TMEM119: variants seen among roughly 807,000 people sequenced by gnomAD.
TMEM119 encodes osteoblast induction factor.
For missense variants in TMEM119, 410 were observed against 381.0 expected (o/e 1.08, Z -0.63); for synonymous variants, 182 against 176.4 (o/e 1.03, Z -0.25).
Position 108,592,156 on chromosome 12 carries a change from GC to G in TMEM119, c.227del (p.Gly76AlafsTer12). The G allele has an allele frequency of 1.2e-6, 2 of 1,614,004 alleles. No individual in the cohort carries two copies. The highest frequency in any genetic ancestry group is 1.7e-6 in the Non-Finnish European group (2 of 1,179,980). On this transcript the variant is annotated frameshift_variant, in exon 2 of 2. Transcript: ENST00000392806. LOFTEE classifies it low-confidence loss of function (END_TRUNC). The surrounding 1 kb of genome is among the most constrained non-coding windows in gnomAD (Gnocchi z 4.3). ...CCAGGAAGTTGGTGGGGGGTGATGG[GC>G]CCCCCAGGGTTATGGGCTGGGGCCC... ...SMGPQPITLGGPSPPTNFLDG... is the reference protein window; with the variant it reads ...SMGPQPITLGXPSPPTNFLDG...
Position 108,590,131 on chromosome 12 carries a change from T to A in TMEM119, c.*1401A>T, listed in dbSNP as rs961121647. Reference sequence around the variant, plus strand: ...CCCTCGGACTTCCCCAGGGTGGAGGTCCCCTCAAACACAGCCCCTCAGCTT... The same window carrying A: ...CCCTCGGACTTCCCCAGGGTGGAGGACCCCTCAAACACAGCCCCTCAGCTT... On this transcript the variant is annotated 3_prime_UTR_variant, in exon 2 of 2. Coordinates refer to ENST00000392806, the MANE Select transcript of TMEM119 (RefSeq NM_181724.3). 5 of 151,574 alleles carry A rather than the reference T, an allele frequency of 3.3e-5. No homozygotes were observed. The highest frequency in any genetic ancestry group is 3.3e-4 in the Admixed American group (5 of 15,216). The allele number at this position is 151,574 out of a possible 1,614,324, so 9.4% of individuals were successfully genotyped here.
Position 108,591,984 on chromosome 12 carries a change from T to C in TMEM119, c.400A>G (p.Lys134Glu), listed in dbSNP as rs747216666. 6.2e-7 allele frequency: 1 copy of C among 1,613,496 alleles called. No individual in the cohort carries two copies. The highest frequency in any genetic ancestry group is 8.5e-7 in the Non-Finnish European group (1 of 1,179,718). ...ASAYYPSSFP[K>E]KKYVDQSDRA... is the part of the protein sequence containing the mutation. ...TCACTCTGGTCCACGTACTTCTTCT[T>C]GGGGAAGGACGATGGGTAATAGGCC... The change falls in exon 2 of 2, where the codon AAG becomes GAG. Residue 134 changes from lysine to glutamate, a missense_variant. Physicochemically the swap from Lys to Glu is moderately conservative, Grantham distance 56. Coordinates refer to ENST00000392806, the MANE Select transcript of TMEM119 (RefSeq NM_181724.3). The surrounding 1 kb of genome is among the most constrained non-coding windows in gnomAD (Gnocchi z 4.2).
chr12:108,591,791 C>A lies in TMEM119; in HGVS notation c.593G>T (p.Arg198Met). 6.3e-7 allele frequency: 1 copy of A among 1,592,474 alleles called. No individual in the cohort carries two copies. The highest frequency in any genetic ancestry group is 1.1e-5 in the South Asian group (1 of 88,540). Reference protein sequence around the residue: ...RAALGGGDGARMVEGRGAEEE... With the variant: ...RAALGGGDGAMMVEGRGAEEE... ...CTCTGCGCCCCTGCCCTCCACCATC[C>A]TGGCTCCGTCCCCACCGCCCAGTGC... The change falls in exon 2 of 2, where the codon AGG (arginine) becomes ATG (methionine). Residue 198 changes from arginine to methionine, a missense_variant. Arg to Met is a moderately conservative substitution (Grantham distance 91). Coordinates refer to ENST00000392806, the MANE Select transcript of TMEM119 (RefSeq NM_181724.3). This position sits in a 1 kb window ranked among gnomAD's most constrained non-coding sequence, Gnocchi z 4.2.
Position 108,591,106 on chromosome 12 carries a change from T to C in TMEM119, c.*426A>G, listed in dbSNP as rs1337580062. On this transcript the variant is annotated 3_prime_UTR_variant, in exon 2 of 2. Coordinates refer to ENST00000392806, the MANE Select transcript of TMEM119 (RefSeq NM_181724.3). The surrounding 1 kb of genome is among the most constrained non-coding windows in gnomAD (Gnocchi z 4.2). The stretch of plus-strand genomic sequence containing the variant: ...GATTTAGTGGACTGTTTTTTGTTTT[T>C]ATAGAGATGGGTCTCACAATGTTGC... 1 of 160,708 alleles carries C rather than the reference T, an allele frequency of 6.2e-6. No individual in the cohort carries two copies. Among genetic ancestry groups the C allele is most frequent in the Non-Finnish European group, 1.3e-5 (1 of 74,146 alleles). The allele number at this position is 160,708 out of a possible 1,614,324, so 10.0% of individuals were successfully genotyped here.
rs2031418242 is a variant in TMEM119, at chr12:108,592,125, T to C, written c.259A>G (p.Ile87Val). 1 of 1,613,884 alleles carries C rather than the reference T, an allele frequency of 6.2e-7. No individual in the cohort carries two copies. Among genetic ancestry groups the C allele is most frequent in the Non-Finnish European group, 8.5e-7 (1 of 1,179,998 alleles). ...PSPPTNFLDG[I>V]VDFFRQYVML... ...ACGTACTGGCGGAAGAAGTCCACTATCCCATCCAGGAAGTTGGTGGGGGGT... is the reference window on the plus strand; with the variant it reads ...ACGTACTGGCGGAAGAAGTCCACTACCCCATCCAGGAAGTTGGTGGGGGGT... The change falls in exon 2 of 2, where the codon ATA (isoleucine) becomes GTA (valine). Residue 87 changes from isoleucine to valine, a missense_variant. By Grantham distance (29) the Ile-to-Val change is conservative. Transcript: ENST00000392806. This position sits in a 1 kb window ranked among gnomAD's most constrained non-coding sequence, Gnocchi z 4.3.
At chr12:108,594,092 G>GGTC (rs2031464182) in intron 1 of TMEM119, 1 of 152,272 alleles carries the variant, frequency 6.6e-6, no homozygotes. Context: ...CCTCGGCTGC[G>GGTC]GTCACATCTC....
At position 108,592,299 on chromosome 12, in the gene TMEM119, G is replaced by T. The variant is rs780647466; in HGVS notation, c.85C>A (p.Pro29Thr). ...TCCTCCAGGAACGTGGCCTTCAGGGGCACAGAGCGGGCGTCGGTAGCAGGC... is the reference window on the plus strand; with the variant it reads ...TCCTCCAGGAACGTGGCCTTCAGGGTCACAGAGCGGGCGTCGGTAGCAGGC... Reference protein sequence around the residue: ...SVPATDARSVPLKATFLEDVA... With the variant: ...SVPATDARSVTLKATFLEDVA... Residue 29 changes from proline to threonine, a missense_variant, in exon 2 of 2, where the codon CCC becomes ACC. Coordinates refer to ENST00000392806, the MANE Select transcript of TMEM119 (RefSeq NM_181724.3). This position sits in a 1 kb window ranked among gnomAD's most constrained non-coding sequence, Gnocchi z 4.3. 1.2e-6 allele frequency: 2 copies of T among 1,606,452 alleles called. No homozygotes were observed. The highest frequency in any genetic ancestry group is 1.3e-5 in the African/African-American group (1 of 74,798).
At chr12:108,596,883 G>A (rs1221970354) in intron 1 of TMEM119, among the ~76,000 whole-genome samples, 2 of 152,224 alleles carry the variant, frequency 1.3e-5, no homozygotes, top group African/African-American at 4.8e-5. Context: ...GAAAGTCAGG[G>A]GTGAGCCCAG....
chr12:108,597,470 C>CAT (rs1373638028), intron 1 of TMEM119, among the ~76,000 whole-genome samples: 1 of 151,884 alleles, frequency 6.6e-6, no homozygotes, highest in Non-Finnish European at 1.5e-5. Flanking sequence ...CACACACACA[C>CAT]ACACACAGAG....
chr12:108,592,336 G>C lies in TMEM119; in HGVS notation c.48C>G (p.Leu16=), dbSNP rs10861953. The change falls in exon 2 of 2, where the codon CTC becomes CTG. Residue 16 remains leucine (L), a synonymous_variant. Transcript: ENST00000392806. The surrounding 1 kb of genome is among the most constrained non-coding windows in gnomAD (Gnocchi z 4.3). ...APSLLILLLL[L]LGSVPATDAR... ...CGTCGGTAGCAGGCACAGACCCCAG[G>C]AGCAGCAACAGAAGGATGAGGAGGC... 292,721 of 1,586,304 alleles carry C rather than the reference G, an allele frequency of 0.18. 28,200 individuals are homozygous for C. Among genetic ancestry groups the C allele is most frequent in the South Asian group, 0.28 (24,966 of 89,132 alleles).
At chr12:108,595,539 G>A (rs533098454) in intron 1 of TMEM119, among the ~76,000 whole-genome samples, 10 of 142,500 alleles carry the variant, frequency 7.0e-5, no homozygotes, top group East Asian at 6.2e-4. Context: ...ACACAACCAC[G>A]TACACACATG....
chr12:108,596,240 C>T (rs750720717), intron 1 of TMEM119, among the ~76,000 whole-genome samples: 46 of 152,118 alleles, frequency 3.0e-4, no homozygotes, highest in Non-Finnish European at 3.5e-4. Context: ...AAATGAGCAC[C>T]ATCGCCGGAT....
chr12:108,597,428 G>A (rs2031521039), intron 1 of TMEM119, among the ~76,000 whole-genome samples: 1 of 151,610 alleles, frequency 6.6e-6, no homozygotes, highest in African/African-American at 2.4e-5. Flanking sequence ...TCTGGATGGG[G>A]AGGGGGGTCC....
At position 108,591,843 on chromosome 12, in the gene TMEM119, G is replaced by C. The variant is rs1237636126; in HGVS notation, c.541C>G (p.Gln181Glu). Residue 181 changes from glutamine to glutamate, a missense_variant, in exon 2 of 2, where the codon CAG becomes GAG. Coordinates refer to ENST00000392806, the MANE Select transcript of TMEM119 (RefSeq NM_181724.3). This position sits in a 1 kb window ranked among gnomAD's most constrained non-coding sequence, Gnocchi z 4.2. The stretch of plus-strand genomic sequence containing the variant: ...GCCCTGGTGGGGGACTTGAGGTTCT[G>C]GGTGGCGGCCAAGATGTCGGCCTGG... ...QLQADILAAT[Q>E]NLKSPTRAAL... 6.2e-7 allele frequency: 1 copy of C among 1,603,442 alleles called. No individual in the cohort carries two copies. Among genetic ancestry groups the C allele is most frequent in the Non-Finnish European group, 8.5e-7 (1 of 1,175,378 alleles).
At position 108,589,899 on chromosome 12, in the gene TMEM119, A is replaced by T. The variant is rs566378754; in HGVS notation, c.*1633T>A. The T allele has an allele frequency of 6.6e-6, 1 of 152,376 alleles. No homozygotes were observed. Among genetic ancestry groups the T allele is most frequent in the East Asian group, 1.9e-4 (1 of 5,186 alleles). The allele number at this position is 152,376 out of a possible 1,614,324, so 9.4% of individuals were successfully genotyped here. A position where few individuals can be genotyped will look rare whatever the true frequency, so the allele number is the denominator to read the frequency against. ...TGGTGCATTATATCTCAGCACCTGG[A>T]GAGCTGTGCAGAGGTTGGGGGAGCC... On this transcript the variant is annotated 3_prime_UTR_variant, in exon 2 of 2. Coordinates refer to ENST00000392806, the MANE Select transcript of TMEM119 (RefSeq NM_181724.3).
Position 108,591,569 on chromosome 12 carries a change from C to T in TMEM119, c.815G>A (p.Ser272Asn), listed in dbSNP as rs780651342. 5.0e-6 allele frequency: 8 copies of T among 1,611,934 alleles called. No homozygotes were observed. In the East Asian group the frequency reaches 8.9e-5, roughly 18 times the overall value. ...EAQGPVGPPE[S>N]PCACSSVHPS... The stretch of plus-strand genomic sequence containing the variant: ...GTGGACACTGCTGCAAGCACAGGGG[C>T]TTTCGGGGGGACCCACTGGTCCCTG... Residue 272 changes from serine to asparagine, a missense_variant, in exon 2 of 2, where the codon AGC (serine) becomes AAC (asparagine). Coordinates refer to ENST00000392806, the MANE Select transcript of TMEM119 (RefSeq NM_181724.3). This position sits in a 1 kb window ranked among gnomAD's most constrained non-coding sequence, Gnocchi z 4.2.
intron 1 of TMEM119, among the ~76,000 whole-genome samples, chr12:108,593,138 T>C (rs973656981): frequency 5.3e-5 from 8 of 152,070 alleles, no homozygotes; most frequent in Non-Finnish European, 1.0e-4. Flanking sequence ...CAGCTCTACC[T>C]TATTCTGCAA....
Position 108,591,587 on chromosome 12 carries a change from G to C in TMEM119, c.797C>G (p.Pro266Arg). 1 of 1,613,482 alleles carries C rather than the reference G, an allele frequency of 6.2e-7. No homozygotes were observed. The highest frequency in any genetic ancestry group is 1.1e-5 in the South Asian group (1 of 91,044). The change falls in exon 2 of 2, where the codon CCA (proline) becomes CGA (arginine). Residue 266 changes from proline (P) to arginine (R), a missense_variant. By Grantham distance (103) the Pro-to-Arg change is moderately radical. Coordinates refer to ENST00000392806, the MANE Select transcript of TMEM119 (RefSeq NM_181724.3). The surrounding 1 kb of genome is among the most constrained non-coding windows in gnomAD (Gnocchi z 4.2). ...SLLLAQEAQG[P>R]VGPPESPCAC... ...ACAGGGGCTTTCGGGGGGACCCACTGGTCCCTGGGCTTCCTGGGCTAACAA... is the reference window on the plus strand; with the variant it reads ...ACAGGGGCTTTCGGGGGGACCCACTCGTCCCTGGGCTTCCTGGGCTAACAA...
chr12:108,596,122 C>T (rs1320490174), intron 1 of TMEM119, among the ~76,000 whole-genome samples: 2 of 152,158 alleles, frequency 1.3e-5, no homozygotes, highest in South Asian at 2.1e-4. Flanking sequence ...TCAGAGAGTG[C>T]CTGGTGCGAA....
Sources: gnomAD v4.1 joint callset for allele counts (sites outside exome capture counted in the v4.1 genomes callset) on GRCh38, gnomAD v4.1.1 for gene constraint, Gnocchi (gnomAD v3.1) non-coding constraint, MANE v1.5 for transcripts, NCBI Gene and HGNC (gene_info 2026-07-23, HGNC 2026-07-21) for gene names.